The following CUX1 variants were observed in gnomAD, a reference collection of about 807,000 sequenced individuals.
CUX1 encodes the protein protein CASP.
Under a neutral mutation model 158.8 loss-of-function variants are expected in CUX1, and 31 were observed. The ratio of observed to expected loss-of-function variants is 0.20; its 90% CI spans 0.15 to 0.26. CUX1 has a LOEUF of 0.26. CUX1 is among the 10% of genes least tolerant of loss of function. The pLI, the probability that CUX1 is intolerant of heterozygous loss-of-function variation, is 1.00. For synonymous variants in CUX1, 879 were observed against 862.1 expected, an observed-to-expected ratio of 1.02 and a Z score of -0.34; for missense variants, 1,589 against 2,014.6, an observed-to-expected ratio of 0.79 and a Z score of 4.04.
intron 7 of CUX1, among the ~76,000 whole-genome samples, chr7:102,113,079 T>C (rs1210313723): frequency 6.6e-6 from 1 of 151,990 alleles, no homozygotes; most frequent in African/African-American, 2.4e-5. Context: ...AACAGTGCAG[T>C]CGAACAATAA....
chr7:101,977,974 T>C (rs1227598341), intron 2 of CUX1, among the ~76,000 whole-genome samples: 3 of 151,930 alleles, frequency 2.0e-5, no homozygotes, highest in Non-Finnish European at 2.9e-5. Context: ...CGTTTTTTTT[T>C]TCCCTGACCC....
Position 102,043,107 on chromosome 7 carries a change from C to T in CUX1, c.189+14962C>T, listed in dbSNP as rs139425856. 9.2e-5 allele frequency among the ~76,000 whole-genome samples: 14 copies of T among 152,110 alleles called. No individual in the cohort carries two copies. In the East Asian group the frequency reaches 1.4e-3, roughly 15 times the overall value. The stretch of plus-strand genomic sequence containing the variant: ...CAGGGACTGTGGACGTGTGCCACCA[C>T]GCCTGGCTAATTTTTTTATTTTTTG... On this transcript the variant is annotated intron_variant, in intron 3 of 23. Coordinates refer to ENST00000292535, the MANE Select transcript of CUX1 (RefSeq NM_181552.4).
At chr7:101,963,155 C>A (rs938467445) in intron 2 of CUX1, among the ~76,000 whole-genome samples, 1 of 152,200 alleles carries the variant, frequency 6.6e-6, no homozygotes, top group African/African-American at 2.4e-5. Context: ...AAACCACCCC[C>A]TTCTCTCACC....
chr7:102,253,123 C>T lies in CUX1; in HGVS notation c.*4081C>T, dbSNP rs1801695873. On this transcript the variant is annotated 3_prime_UTR_variant, in exon 24 of 24. Coordinates refer to ENST00000292535, the MANE Select transcript of CUX1 (RefSeq NM_181552.4). ...CCTCCCTGCTCAGTTTCCTTCCTGT[C>T]GCCATCTTTGTTTTCTTCCCATTGA... The T allele has an allele frequency of 7.1e-6, 7 of 985,538 alleles. No homozygotes were observed. Among genetic ancestry groups the T allele is most frequent in the South Asian group, 4.7e-5 (1 of 21,288 alleles). The allele number at this position is 985,538 out of a possible 1,614,324, so 61.0% of individuals were successfully genotyped here.
chr7:101,961,606 C>T (rs6954798), intron 2 of CUX1: 71,381 of 150,998 alleles, frequency 0.47, 18,334 homozygotes, highest in East Asian at 0.6. Context: ...TTTGGCCAGG[C>T]GCGGTGGCTC....
At chr7:102,126,096 C>G (rs965309442) in intron 8 of CUX1, among the ~76,000 whole-genome samples, 15 of 152,034 alleles carry the variant, frequency 9.9e-5, no homozygotes, top group Non-Finnish European at 1.9e-4. Context: ...TCACTGCAAC[C>G]TCTGCCTCTT....
intron 2 of CUX1, among the ~76,000 whole-genome samples, chr7:101,953,900 TTC>T (rs1024372896): frequency 6.6e-6 from 1 of 152,218 alleles, no homozygotes; most frequent in Non-Finnish European, 1.5e-5. Flanking sequence ...TGCCTTTTAA[TTC>T]TCTTTATGGG....
chr7:102,216,344 CCTT>C (rs1797036481), intron 20 of CUX1, among the ~76,000 whole-genome samples: 1 of 151,968 alleles, frequency 6.6e-6, no homozygotes, highest in African/African-American at 2.4e-5. Context: ...AAAAAGACCT[CCTT>C]GACCTCTTTT....
At chr7:101,875,819 A>G (rs564378370) in intron 1 of CUX1, among the ~76,000 whole-genome samples, 1 of 150,628 alleles carries the variant, frequency 6.6e-6, no homozygotes, top group South Asian at 2.1e-4. Context: ...ACAACCATCT[A>G]TTTAGCACTC....
chr7:101,875,728 G>A (rs1055436793), intron 1 of CUX1, among the ~76,000 whole-genome samples: 3 of 152,144 alleles, frequency 2.0e-5, no homozygotes, highest in Non-Finnish European at 2.9e-5. Context: ...TGCCCCTTCC[G>A]GGAGCTCTGC....
exon 23 of CUX1, chr7:102,283,410 G>C: frequency 2.7e-6 from 1 of 375,094 alleles, no homozygotes; most frequent in Non-Finnish European, 5.0e-6. Context: ...TCAGCTGCGA[G>C]GCTAATTGGG....
intron 3 of CUX1, among the ~76,000 whole-genome samples, chr7:102,039,389 TTCCAGTCTTTG>T (rs1821793880): frequency 6.6e-6 from 1 of 151,984 alleles, no homozygotes. Flanking sequence ...CAGCCAACCT[TTCCAGTCTTTG>T]ACTGACACTT....
intron 3 of CUX1, among the ~76,000 whole-genome samples, chr7:102,064,607 G>A (rs1465461471): frequency 1.3e-5 from 2 of 152,220 alleles, no homozygotes; most frequent in Non-Finnish European, 2.9e-5. Flanking sequence ...GCATGAAGGT[G>A]AGCAGGACAC....
At chr7:101,817,353 C>A, upstream of CUX1, 13 of 984,746 alleles carry the variant, frequency 1.3e-5, no homozygotes, top group Non-Finnish European at 1.6e-5. The surrounding 1 kb of genome is among the most constrained non-coding windows in gnomAD (Gnocchi z 4.1). Flanking sequence ...GAGCGCGCGG[C>A]GGGTGCGCTC....
At chr7:102,090,605 G>A (rs537704472) in intron 4 of CUX1, among the ~76,000 whole-genome samples, 2 of 151,226 alleles carry the variant, frequency 1.3e-5, no homozygotes, top group South Asian at 4.2e-4. Flanking sequence ...AGCCAGGACG[G>A]TCTCGATCTC....
intron 11 of CUX1, among the ~76,000 whole-genome samples, chr7:102,179,680 G>A (rs1792809261): frequency 6.6e-6 from 1 of 152,252 alleles, no homozygotes; most frequent in African/African-American, 2.4e-5. Flanking sequence ...GTTGAAGCAA[G>A]TGTAATTTGA....
intron 8 of CUX1, among the ~76,000 whole-genome samples, chr7:102,149,898 C>G (rs369230463): frequency 1.3e-5 from 2 of 152,172 alleles, no homozygotes; most frequent in African/African-American, 4.8e-5. Context: ...CCACCTCTGT[C>G]CGTTTCCTCT....
chr7:102,229,531 C>G (rs1798731168), intron 21 of CUX1, among the ~76,000 whole-genome samples: 1 of 150,956 alleles, frequency 6.6e-6, no homozygotes, highest in East Asian at 1.9e-4. Flanking sequence ...AGGATGGTCT[C>G]GAACTCCTGA....
chr7:102,018,982 T>G (rs1250523665), intron 2 of CUX1, among the ~76,000 whole-genome samples: 16 of 151,844 alleles, frequency 1.1e-4, no homozygotes, highest in Admixed American at 1.1e-3. Flanking sequence ...GAGCCGGGAG[T>G]CCCCAGACCC....
Sources: allele counts gnomAD v4.1 joint callset (sites outside exome capture counted in the v4.1 genomes callset), GRCh38; gene constraint gnomAD v4.1.1; non-coding constraint Gnocchi (gnomAD v3.1); transcripts MANE v1.5; gene names NCBI Gene and HGNC (gene_info 2026-07-23, HGNC 2026-07-21).